Variants in ENTREP2 observed in about 807,000 individuals in gnomAD.
ENTREP2 encodes the protein endosomal transmembrane epsin interactor 2.
At chr15:29,183,081 T>C in the ENTREP2 span, among the ~76,000 whole-genome samples, 1 of 152,092 alleles carries the variant, frequency 6.6e-6, no homozygotes, top group East Asian at 1.9e-4. Flanking sequence ...AATGCAACAC[T>C]AAAAGGACAC....
the ENTREP2 span, among the ~76,000 whole-genome samples, chr15:29,338,897 A>ACC: frequency 1.3e-5 from 1 of 75,026 alleles, no homozygotes; most frequent in South Asian, 4.9e-4. Context: ...AGCAAATAAT[A>ACC]CTCCCCACTC....
chr15:29,602,003 A>G, the ENTREP2 span, among the ~76,000 whole-genome samples: 1 of 152,234 alleles, frequency 6.6e-6, no homozygotes, highest in East Asian at 1.9e-4. Context: ...TGCTCCATGC[A>G]ATGACTCACA....
the ENTREP2 span, among the ~76,000 whole-genome samples, chr15:29,142,195 C>G: frequency 1.8e-4 from 28 of 152,308 alleles, 1 homozygote; most frequent in Admixed American, 9.2e-4. Flanking sequence ...ATCTGAAAAT[C>G]ATTGATGGTG....
the ENTREP2 span, chr15:29,121,170 G>A: frequency 0.045 from 6,894 of 152,540 alleles, 300 homozygotes; most frequent in South Asian, 0.1. Context: ...GCAGGTGAGG[G>A]GCCTACAGGG....
the ENTREP2 span, chr15:29,126,455 C>A: frequency 1.3e-6 from 2 of 1,550,094 alleles, no homozygotes; most frequent in Admixed American, 2.0e-5. Flanking sequence ...CGTAGCAGTG[C>A]CCTCGGACAC....
At chr15:29,294,081 G>T in the ENTREP2 span, among the ~76,000 whole-genome samples, 1 of 152,186 alleles carries the variant, frequency 6.6e-6, no homozygotes. Context: ...ACTAGGTCTG[G>T]TGCTCAGAAG....
the ENTREP2 span, among the ~76,000 whole-genome samples, chr15:29,206,892 C>G: frequency 1.3e-5 from 2 of 152,144 alleles, no homozygotes; most frequent in Non-Finnish European, 2.9e-5. Flanking sequence ...CCGTGTTCTG[C>G]CTAAACGTTT....
the ENTREP2 span, among the ~76,000 whole-genome samples, chr15:29,248,671 C>G: frequency 6.6e-6 from 1 of 152,122 alleles, no homozygotes; most frequent in South Asian, 2.1e-4. Flanking sequence ...CTTACTAGTA[C>G]TCAAAGAAAT....
the ENTREP2 span, among the ~76,000 whole-genome samples, chr15:29,555,483 A>G: frequency 6.6e-6 from 1 of 152,232 alleles, no homozygotes; most frequent in African/African-American, 2.4e-5. Context: ...CTATAACAAC[A>G]AAGTATTAAA....
chr15:29,154,532 G>T, the ENTREP2 span, among the ~76,000 whole-genome samples: 22,053 of 152,042 alleles, frequency 0.15, 2,913 homozygotes, highest in African/African-American at 0.35. Flanking sequence ...CAAAATACTG[G>T]ACACACTCAA....
chr15:29,142,225 G>A, the ENTREP2 span, among the ~76,000 whole-genome samples: 2 of 152,160 alleles, frequency 1.3e-5, no homozygotes, highest in Non-Finnish European at 2.9e-5. Context: ...CAAACTTTCT[G>A]CAAGAAATAC....
At chr15:29,593,712 A>G in the ENTREP2 span, among the ~76,000 whole-genome samples, 1 of 152,208 alleles carries the variant, frequency 6.6e-6, no homozygotes, top group African/African-American at 2.4e-5. Flanking sequence ...ACATTGCGTC[A>G]GGTCACTCTG....
At chr15:29,404,078 G>C in the ENTREP2 span, among the ~76,000 whole-genome samples, 1 of 152,102 alleles carries the variant, frequency 6.6e-6, no homozygotes, top group Non-Finnish European at 1.5e-5. Context: ...TCCCCACGAG[G>C]TTCTGAGAGG....
At chr15:29,603,613 C>T in the ENTREP2 span, among the ~76,000 whole-genome samples, 3 of 152,082 alleles carry the variant, frequency 2.0e-5, no homozygotes, top group Non-Finnish European at 1.5e-5. Context: ...TGGTGTGAAA[C>T]TCCAATTTCA....
the ENTREP2 span, among the ~76,000 whole-genome samples, chr15:29,558,577 G>A: frequency 7.9e-6 from 1 of 126,850 alleles, no homozygotes; most frequent in Non-Finnish European, 1.7e-5. Flanking sequence ...TCCAATCTAC[G>A]GCTGACCCTG....
the ENTREP2 span, among the ~76,000 whole-genome samples, chr15:29,581,869 T>G: frequency 6.6e-6 from 1 of 152,064 alleles, no homozygotes; most frequent in Admixed American, 6.6e-5. Context: ...TATTGTGGTG[T>G]TGGCAGAAGG....
chr15:29,334,504 A>G, the ENTREP2 span, among the ~76,000 whole-genome samples: 4 of 152,266 alleles, frequency 2.6e-5, no homozygotes, highest in Admixed American at 6.5e-5. Flanking sequence ...TCTAAGGGCT[A>G]CGATGAAAGT....
the ENTREP2 span, chr15:29,151,976 CTG>C: frequency 1.5e-6 from 1 of 673,882 alleles, no homozygotes; most frequent in Non-Finnish European, 2.6e-6. Flanking sequence ...TTGTGTGTGT[CTG>C]TGTTTTCCTC....
chr15:29,575,822 A>T, the ENTREP2 span, among the ~76,000 whole-genome samples: 2 of 152,222 alleles, frequency 1.3e-5, no homozygotes, highest in African/African-American at 4.8e-5. Flanking sequence ...GTACACTGAA[A>T]ACATTGCTCA....
Sources: gnomAD v4.1 joint callset for allele counts (sites outside exome capture counted in the v4.1 genomes callset) on GRCh38, gnomAD v4.1.1 for gene constraint, MANE v1.5 for transcripts, NCBI Gene and HGNC (gene_info 2026-07-23, HGNC 2026-07-21) for gene names.